Variants in NOL4 observed in about 807,000 individuals in gnomAD.
NOL4 encodes the protein nucleolar protein 4.
In NOL4, 17 loss-of-function variants were observed where a neutral mutation model predicts 75.9. That is an observed-to-expected ratio of 0.22 (90% confidence interval 0.15 to 0.34). The LOEUF is 0.34. Among genes scored for constraint, NOL4 ranks in the 10% least tolerant of loss-of-function variants. The pLI, the probability that NOL4 is intolerant of heterozygous loss-of-function variation, is 1.00. For missense variants in NOL4, 614 were observed against 793.5 expected, an observed-to-expected ratio of 0.77 and a Z score of 2.72; for synonymous variants, 292 against 289.9, an observed-to-expected ratio of 1.01 and a Z score of -0.07.
At chr18:34,175,279 C>T (rs77321650) in intron 1 of NOL4, among the ~76,000 whole-genome samples, 97 of 152,182 alleles carry the variant, frequency 6.4e-4, no homozygotes, top group African/African-American at 2.0e-3. Flanking sequence ...TGCCTCTTGT[C>T]GACCTGACTT....
intron 1 of NOL4, among the ~76,000 whole-genome samples, chr18:34,215,371 C>T (rs1422566830): frequency 6.6e-6 from 1 of 152,136 alleles, no homozygotes; most frequent in Non-Finnish European, 1.5e-5. Flanking sequence ...ATGCCAGGTA[C>T]TGGAGATTAA....
At chr18:34,189,751 A>G (rs1358707256) in intron 1 of NOL4, among the ~76,000 whole-genome samples, 1 of 152,072 alleles carries the variant, frequency 6.6e-6, no homozygotes, top group African/African-American at 2.4e-5. Flanking sequence ...CAAAATATGT[A>G]CTTTATTTTG....
At chr18:33,964,951 G>A (rs962368178) in intron 6 of NOL4, among the ~76,000 whole-genome samples, 12 of 152,108 alleles carry the variant, frequency 7.9e-5, no homozygotes, top group Non-Finnish European at 1.5e-4. Context: ...AATAAAATGT[G>A]TAACCCTTGC....
intron 2 of NOL4, among the ~76,000 whole-genome samples, chr18:34,113,470 A>G (rs558275076): frequency 6.6e-6 from 1 of 152,138 alleles, no homozygotes; most frequent in African/African-American, 2.4e-5. Flanking sequence ...TCCTATCTCT[A>G]TATAAAATTT....
intron 1 of NOL4, among the ~76,000 whole-genome samples, chr18:34,194,365 A>T (rs1168297743): frequency 6.6e-6 from 1 of 151,912 alleles, no homozygotes; most frequent in African/African-American, 2.4e-5. Flanking sequence ...TAAATATTTT[A>T]AAAGCAACTA....
At chr18:34,172,727 A>T (rs1457631565) in intron 1 of NOL4, among the ~76,000 whole-genome samples, 1 of 152,118 alleles carries the variant, frequency 6.6e-6, no homozygotes, top group Non-Finnish European at 1.5e-5. Context: ...ATGAGGTGAT[A>T]TCTCATTGTG....
chr18:34,043,387 T>A (rs2076224252), intron 5 of NOL4, among the ~76,000 whole-genome samples: 1 of 152,094 alleles, frequency 6.6e-6, no homozygotes, highest in Admixed American at 6.6e-5. Context: ...TAGAGTAGGA[T>A]GAATTTTTGT....
chr18:34,005,210 C>G (rs574197935), intron 6 of NOL4, among the ~76,000 whole-genome samples: 93 of 152,090 alleles, frequency 6.1e-4, no homozygotes, highest in African/African-American at 2.2e-3. Context: ...TGAGATTTGT[C>G]CTCCAGGGAC....
At chr18:34,165,246 T>A (rs982668683) in intron 1 of NOL4, among the ~76,000 whole-genome samples, 3 of 151,272 alleles carry the variant, frequency 2.0e-5, no homozygotes, top group African/African-American at 7.3e-5. Flanking sequence ...ATAATAATAA[T>A]AAAATAAAAT....
chr18:33,941,615 A>G (rs2068483006), intron 9 of NOL4, among the ~76,000 whole-genome samples: 1 of 151,964 alleles, frequency 6.6e-6, no homozygotes, highest in East Asian at 1.9e-4. Context: ...CAAAATGCTA[A>G]GTACATAACA....
chr18:34,187,071 G>T (rs1364556216), intron 1 of NOL4, among the ~76,000 whole-genome samples: 1 of 152,062 alleles, frequency 6.6e-6, no homozygotes, highest in Non-Finnish European at 1.5e-5. Context: ...TTACATTAGG[G>T]TTTACTCTTG....
At chr18:34,145,782 A>G (rs954100231) in intron 1 of NOL4, among the ~76,000 whole-genome samples, 4 of 152,098 alleles carry the variant, frequency 2.6e-5, no homozygotes, top group Admixed American at 2.6e-4. Context: ...TTCTGTGAAA[A>G]GCAAACATAT....
intron 1 of NOL4, among the ~76,000 whole-genome samples, chr18:34,205,446 T>C (rs575805976): frequency 1.3e-5 from 2 of 152,080 alleles, no homozygotes; most frequent in Non-Finnish European, 2.9e-5. Context: ...GCGGGTGGCA[T>C]GTATTTTACA....
At chr18:33,995,602 C>T (rs532395280) in intron 6 of NOL4, among the ~76,000 whole-genome samples, 1 of 151,762 alleles carries the variant, frequency 6.6e-6, no homozygotes, top group South Asian at 2.1e-4. Flanking sequence ...AGAGAAACGT[C>T]TACCAAAACC....
At chr18:33,902,416 A>G (rs926884007) in intron 9 of NOL4, among the ~76,000 whole-genome samples, 6 of 152,142 alleles carry the variant, frequency 3.9e-5, no homozygotes, top group African/African-American at 1.4e-4. Flanking sequence ...TTCTTCATCC[A>G]ATTCCATAAC....
At chr18:34,117,081 C>A (rs1481394454) in intron 2 of NOL4, among the ~76,000 whole-genome samples, 2 of 152,134 alleles carry the variant, frequency 1.3e-5, no homozygotes, top group Admixed American at 6.5e-5. Flanking sequence ...GAAAATGTCA[C>A]CAAGCAATCT....
chr18:34,152,076 T>TG (rs1491266729), intron 1 of NOL4, among the ~76,000 whole-genome samples: 1 of 151,626 alleles, frequency 6.6e-6, no homozygotes, highest in Non-Finnish European at 1.5e-5. Flanking sequence ...TATCATTAAC[T>TG]TTTTTTTCAA....
intron 9 of NOL4, among the ~76,000 whole-genome samples, chr18:33,893,601 T>G (rs1018685400): frequency 6.6e-6 from 1 of 152,172 alleles, no homozygotes; most frequent in Admixed American, 6.6e-5. Context: ...ATTCCACTGT[T>G]TAGACTTTAT....
chr18:34,019,271 C>A (rs1431837356), intron 6 of NOL4, 47 bp downstream of exon 6: 1 of 1,548,842 alleles, frequency 6.5e-7, no homozygotes, highest in African/African-American at 1.4e-5. Flanking sequence ...TTTTTTGTGA[C>A]CTTCATGACC....
Sources: gnomAD v4.1 joint callset for allele counts (sites outside exome capture counted in the v4.1 genomes callset) on GRCh38, gnomAD v4.1.1 for gene constraint, MANE v1.5 for transcripts, NCBI Gene and HGNC (gene_info 2026-07-23, HGNC 2026-07-21) for gene names.